Variants in CSMD1 observed in about 807,000 individuals in gnomAD.
The protein encoded by CSMD1 is CUB and Sushi multiple domains 1.
A neutral mutation model predicts 417.5 loss-of-function variants in CSMD1; 213 were observed. The ratio of observed to expected loss-of-function variants is 0.51; its 90% CI spans 0.46 to 0.57. The LOEUF is 0.57. Ranked by LOEUF, CSMD1 falls within the 20% of genes least tolerant of loss-of-function variation. The pLI, the probability that CSMD1 is intolerant of heterozygous loss-of-function variation, is 0.00. For synonymous variants in CSMD1, 2,862 were observed against 1,736.8 expected, an observed-to-expected ratio of 1.65 and a Z score of -16.11; for missense variants, 6,923 against 4,529.7, an observed-to-expected ratio of 1.53 and a Z score of -15.17.
At chr8:4,864,637 C>T (rs1032675914) in intron 1 of CSMD1, among the ~76,000 whole-genome samples, 4 of 151,344 alleles carry the variant, frequency 2.6e-5, no homozygotes, top group African/African-American at 9.7e-5. Context: ...AAATTGTATT[C>T]AATGAATACA....
At chr8:3,670,162 A>G (rs191029920) in intron 7 of CSMD1, among the ~76,000 whole-genome samples, 13 of 152,114 alleles carry the variant, frequency 8.5e-5, no homozygotes, top group Admixed American at 1.3e-4. Context: ...ATTTGAGTCA[A>G]TGGATCAGGG....
intron 26 of CSMD1, among the ~76,000 whole-genome samples, chr8:3,277,282 A>T (rs535356431): frequency 6.6e-6 from 1 of 152,190 alleles, no homozygotes; most frequent in African/African-American, 2.4e-5. Context: ...GATAGGGGAG[A>T]GTTCTAAGCA....
intron 17 of CSMD1, among the ~76,000 whole-genome samples, chr8:3,389,276 A>C (rs564595571): frequency 6.6e-6 from 1 of 152,004 alleles, no homozygotes; most frequent in Non-Finnish European, 1.5e-5. Context: ...GCTACCCTCA[A>C]CCCTCTGATA....
At chr8:3,779,402 A>T (rs1376052604) in intron 5 of CSMD1, among the ~76,000 whole-genome samples, 1 of 152,204 alleles carries the variant, frequency 6.6e-6, no homozygotes, top group African/African-American at 2.4e-5. Flanking sequence ...CCTGTAATCG[A>T]TGAGCACTAC....
At chr8:3,549,588 G>C (rs943491553) in intron 10 of CSMD1, among the ~76,000 whole-genome samples, 8 of 152,168 alleles carry the variant, frequency 5.3e-5, no homozygotes, top group Non-Finnish European at 1.0e-4. Flanking sequence ...TGAATTACTG[G>C]ATTATTGTGA....
At chr8:3,275,497 T>A (rs953591241) in intron 26 of CSMD1, among the ~76,000 whole-genome samples, 4 of 152,320 alleles carry the variant, frequency 2.6e-5, no homozygotes, top group Non-Finnish European at 5.9e-5. Flanking sequence ...TTGGGGAAGT[T>A]CTCCTGGATA....
In CSMD1 at chr8:3,755,432, A is replaced by G. The variant is rs149081409; in HGVS notation, c.819-1390T>C. On this transcript the variant is annotated intron_variant, in intron 5 of 69. Coordinates refer to ENST00000635120, the MANE Select transcript of CSMD1 (RefSeq NM_033225.6). ...ATAATTATTTTGCATCTTGGTAACA[A>G]AATCTATTTTCAAAATGATGCTTAT... Among the ~76,000 whole-genome samples the G allele has an allele frequency of 1.7e-3, 252 of 152,324 alleles. 1 individual carries two copies. Among genetic ancestry groups the G allele is most frequent in the African/African-American group, 5.7e-3 (239 of 41,570 alleles).
intron 3 of CSMD1, among the ~76,000 whole-genome samples, chr8:4,224,819 G>C (rs1265026044): frequency 6.6e-6 from 1 of 152,192 alleles, no homozygotes; most frequent in Non-Finnish European, 1.5e-5. Context: ...TCCTCATCAT[G>C]GGAGGATATA....
chr8:4,676,358 C>T (rs1805680182), intron 1 of CSMD1, among the ~76,000 whole-genome samples: 1 of 152,128 alleles, frequency 6.6e-6, no homozygotes. Flanking sequence ...TGAACTGCAC[C>T]ACTGCCCTAA....
At chr8:4,402,386 C>G (rs1028984865) in intron 3 of CSMD1, among the ~76,000 whole-genome samples, 1 of 152,098 alleles carries the variant, frequency 6.6e-6, no homozygotes, top group African/African-American at 2.4e-5. Context: ...CTCTCTGGCT[C>G]TGACCTCTCC....
intron 11 of CSMD1, among the ~76,000 whole-genome samples, chr8:3,488,871 G>C (rs1204840347): frequency 6.6e-6 from 1 of 152,152 alleles, no homozygotes; most frequent in Non-Finnish European, 1.5e-5. Context: ...TGATTCCAGA[G>C]TTTTAAGAAT....
intron 1 of CSMD1, among the ~76,000 whole-genome samples, chr8:4,807,151 A>C (rs1585131561): frequency 6.6e-6 from 1 of 152,350 alleles, no homozygotes; most frequent in African/African-American, 2.4e-5. Flanking sequence ...CGAGTAATTT[A>C]GGACTGTGAT....
chr8:4,821,934 T>TA (rs1261193481), intron 1 of CSMD1, among the ~76,000 whole-genome samples: 1 of 152,028 alleles, frequency 6.6e-6, no homozygotes, highest in Admixed American at 6.6e-5. Context: ...CAGGTATTTT[T>TA]AAATAATCTA....
At chr8:4,046,149 A>G (rs1251163238) in intron 3 of CSMD1, among the ~76,000 whole-genome samples, 2 of 152,110 alleles carry the variant, frequency 1.3e-5, no homozygotes, top group African/African-American at 2.4e-5. Flanking sequence ...ATTATGTATC[A>G]TAAATTTATA....
intron 10 of CSMD1, among the ~76,000 whole-genome samples, chr8:3,539,763 TAAAA>T (rs33938448): frequency 0.013 from 1,741 of 129,742 alleles, 41 homozygotes; most frequent in African/African-American, 0.045. Context: ...TTCTTTATGA[TAAAA>T]AAAAAAAAAA....
chr8:3,127,892 G>GAAGGAAGGAAGGA (rs1817590106), intron 41 of CSMD1: 1 of 117,626 alleles, frequency 8.5e-6, no homozygotes, highest in Non-Finnish European at 1.7e-5. Context: ...GGGAGGGAGG[G>GAAGGAAGGAAGGA]AGGAATGAAG....
chr8:4,453,810 G>GTTTTTTTTTTT (rs1392324658), intron 2 of CSMD1, among the ~76,000 whole-genome samples: 1 of 93,018 alleles, frequency 1.1e-5, no homozygotes. Context: ...TGCGCAATTC[G>GTTTTTTTTTTT]TTTCTTTTTT....
chr8:3,697,967 C>A (rs573187111), intron 7 of CSMD1, among the ~76,000 whole-genome samples: 1 of 152,158 alleles, frequency 6.6e-6, no homozygotes, highest in Admixed American at 6.6e-5. Flanking sequence ...AAGCATTTTA[C>A]TTCTATGGTT....
At chr8:4,276,199 T>A (rs1463788136) in intron 3 of CSMD1, among the ~76,000 whole-genome samples, 2 of 152,102 alleles carry the variant, frequency 1.3e-5, no homozygotes, top group African/African-American at 4.8e-5. Context: ...CTGTTCACAA[T>A]AGCAAAGACC....
Sources: allele counts gnomAD v4.1 joint callset (sites outside exome capture counted in the v4.1 genomes callset), GRCh38; gene constraint gnomAD v4.1.1; transcripts MANE v1.5; gene names NCBI Gene and HGNC (gene_info 2026-07-23, HGNC 2026-07-21).